Variants in AGMO observed in about 807,000 individuals in gnomAD.
AGMO encodes the protein alkylglycerol monooxygenase.
A neutral mutation model predicts 60.2 loss-of-function variants in AGMO; 75 were observed. The observed-to-expected ratio is 1.25, with a 90% CI of 1.03 to 1.51. The LOEUF is 1.51. Ranked by LOEUF, AGMO falls within the 40% of genes most tolerant of loss-of-function variation. The probability of loss-of-function intolerance (pLI) is 0.00; values close to 1 mark genes in which losing one functional copy is unlikely to be tolerated. For missense variants in AGMO, 763 were observed against 525.5 expected (o/e 1.45, Z -4.42); for synonymous variants, 261 against 177.1 (o/e 1.47, Z -3.76).
At chr7:15,282,290 T>C (rs1313356892) in intron 12 of AGMO, among the ~76,000 whole-genome samples, 1 of 151,910 alleles carries the variant, frequency 6.6e-6, no homozygotes, top group Admixed American at 6.6e-5. Flanking sequence ...CTCAAGGAGA[T>C]ATCAAGAAAA....
At chr7:15,257,563 T>A (rs1242336351) in intron 12 of AGMO, among the ~76,000 whole-genome samples, 4 of 152,202 alleles carry the variant, frequency 2.6e-5, no homozygotes. Context: ...TCTTTTGCAA[T>A]TTTTCCCCTC....
chr7:15,521,126 C>A (rs144021127), intron 3 of AGMO, among the ~76,000 whole-genome samples: 6,514 of 152,178 alleles, frequency 0.043, 471 homozygotes, highest in African/African-American at 0.15. Context: ...GACACATACA[C>A]CCTCCCAAGA....
intron 3 of AGMO, among the ~76,000 whole-genome samples, chr7:15,519,666 T>C (rs927574428): frequency 6.6e-6 from 1 of 151,806 alleles, no homozygotes; most frequent in Non-Finnish European, 1.5e-5. Context: ...GCACTAAATA[T>C]GAAAAGGAAA....
In AGMO at chr7:15,510,548, C is replaced by CATAT. The variant is rs3076841; in HGVS notation, c.409+34220_409+34223dup. On this transcript the variant is annotated intron_variant, in intron 3 of 12. Transcript: ENST00000342526. Reference sequence around the variant, plus strand: ...CTGTCATATATATATCTATATATATCATATATATATGTCATATATGTGATA... The same window carrying CATAT: ...CTGTCATATATATATCTATATATATCATATATATATATATGTCATATATGTGATA... Among the ~76,000 whole-genome samples, 73 of 148,420 alleles carry CATAT rather than the reference C, an allele frequency of 4.9e-4. No individual in the cohort carries two copies. In the East Asian group the frequency reaches 4.9e-3, roughly 10 times the overall value.
At chr7:15,225,837 T>C (rs1350307167) in intron 12 of AGMO, among the ~76,000 whole-genome samples, 1 of 152,052 alleles carries the variant, frequency 6.6e-6, no homozygotes, top group Non-Finnish European at 1.5e-5. Context: ...TTGATTAATC[T>C]GATAGATTCA....
intron 3 of AGMO, among the ~76,000 whole-genome samples, chr7:15,516,093 T>A (rs565664812): frequency 6.6e-6 from 1 of 152,186 alleles, no homozygotes; most frequent in Non-Finnish European, 1.5e-5. Context: ...CATTCCACAA[T>A]GTATACATAT....
At chr7:15,170,894 G>A in the AGMO span, among the ~76,000 whole-genome samples, 3 of 152,004 alleles carry the variant, frequency 2.0e-5, no homozygotes, top group African/African-American at 4.8e-5. Flanking sequence ...GTACTGGTTA[G>A]GTATTTTGTA....
At chr7:15,254,517 T>C (rs966686341) in intron 12 of AGMO, among the ~76,000 whole-genome samples, 10 of 152,148 alleles carry the variant, frequency 6.6e-5, no homozygotes, top group Admixed American at 1.3e-4. Flanking sequence ...ATACACCTAT[T>C]GGTCATTTCT....
At chr7:15,158,636 C>G in the AGMO span, among the ~76,000 whole-genome samples, 1 of 152,072 alleles carries the variant, frequency 6.6e-6, no homozygotes, top group East Asian at 1.9e-4. Context: ...GAATTAAGGC[C>G]CAAAGGCACA....
chr7:15,434,776 G>A (rs979776970), intron 3 of AGMO, among the ~76,000 whole-genome samples: 3 of 152,084 alleles, frequency 2.0e-5, no homozygotes, highest in Admixed American at 6.6e-5. Context: ...CAGAAACTAT[G>A]AGATGATAAA....
chr7:15,180,229 C>A, the AGMO span, among the ~76,000 whole-genome samples: 1 of 152,172 alleles, frequency 6.6e-6, no homozygotes, highest in African/African-American at 2.4e-5. Flanking sequence ...AATCTTTCTA[C>A]TTTGCTTCCC....
At chr7:15,546,811 G>C (rs1784793791) in intron 2 of AGMO, among the ~76,000 whole-genome samples, 1 of 152,320 alleles carries the variant, frequency 6.6e-6, no homozygotes, top group Non-Finnish European at 1.5e-5. Flanking sequence ...AATCTTGTTA[G>C]CTTTGTTGGT....
chr7:15,213,154 C>G (rs1781642995), intron 12 of AGMO, among the ~76,000 whole-genome samples: 1 of 151,580 alleles, frequency 6.6e-6, no homozygotes, highest in South Asian at 2.1e-4. Flanking sequence ...AATAAAAATT[C>G]TATTTTTTTT....
intron 10 of AGMO, 45 bp downstream of exon 10, chr7:15,385,401 G>A (rs1203521141): frequency 1.6e-6 from 2 of 1,252,672 alleles, no homozygotes; most frequent in South Asian, 1.2e-5. Context: ...TTCAAACAAA[G>A]TAACAGATAA....
chr7:15,201,736 G>A (rs143778167), intron 12 of AGMO, among the ~76,000 whole-genome samples: 2 of 151,996 alleles, frequency 1.3e-5, no homozygotes, highest in African/African-American at 4.8e-5. Context: ...GAAACCTTTG[G>A]AATAGGAGAA....
intron 12 of AGMO, among the ~76,000 whole-genome samples, chr7:15,324,157 C>G (rs1482500517): frequency 3.3e-5 from 5 of 152,126 alleles, no homozygotes; most frequent in African/African-American, 1.2e-4. Context: ...CGCAGCAACC[C>G]AACACTCAGC....
At chr7:15,270,313 C>T (rs974519198) in intron 12 of AGMO, among the ~76,000 whole-genome samples, 2 of 151,910 alleles carry the variant, frequency 1.3e-5, no homozygotes, top group African/African-American at 2.4e-5. Context: ...TATAAATAAA[C>T]ATTCTGAATG....
chr7:15,512,267 C>A (rs970020722), intron 3 of AGMO, among the ~76,000 whole-genome samples: 6 of 152,068 alleles, frequency 3.9e-5, no homozygotes, highest in African/African-American at 1.4e-4. Flanking sequence ...TTATTATTAT[C>A]ATTATTTAGA....
chr7:15,475,271 G>A (rs1782563301), intron 3 of AGMO, among the ~76,000 whole-genome samples: 1 of 152,080 alleles, frequency 6.6e-6, no homozygotes, highest in Non-Finnish European at 1.5e-5. Flanking sequence ...ATTCACAATA[G>A]CAAAGACTTG....
Sources: allele counts gnomAD v4.1 joint callset (sites outside exome capture counted in the v4.1 genomes callset), GRCh38; gene constraint gnomAD v4.1.1; transcripts MANE v1.5; gene names NCBI Gene and HGNC (gene_info 2026-07-23, HGNC 2026-07-21).